The following NELL1 variants were observed in gnomAD, a reference collection of about 807,000 sequenced individuals.
The protein encoded by NELL1 is protein kinase C-binding protein NELL1.
In NELL1, 76 loss-of-function variants were observed where a neutral mutation model predicts 107.4. The observed-to-expected ratio is 0.71, with a 90% CI of 0.59 to 0.86. The LOEUF is 0.86. NELL1 is among the 40% of genes least tolerant of loss of function. NELL1 has a pLI of 0.00. For synonymous variants in NELL1, 353 were observed against 341.2 expected, an observed-to-expected ratio of 1.03 and a Z score of -0.38; for missense variants, 1,024 against 1,005.5, an observed-to-expected ratio of 1.02 and a Z score of -0.25.
chr11:21,323,044 T>A (rs1465135044), intron 14 of NELL1, among the ~76,000 whole-genome samples: 1 of 152,170 alleles, frequency 6.6e-6, no homozygotes, highest in Non-Finnish European at 1.5e-5. Flanking sequence ...CAAAGGGCTC[T>A]TTAAAATTCT....
intron 13 of NELL1, among the ~76,000 whole-genome samples, chr11:21,178,771 A>G (rs1024607850): frequency 7.2e-5 from 11 of 151,740 alleles, no homozygotes; most frequent in African/African-American, 2.7e-4. Flanking sequence ...CTTAAAAAAA[A>G]AAAAAAGTTT....
At chr11:20,933,063 T>C (rs1378989619) in intron 9 of NELL1, among the ~76,000 whole-genome samples, 1 of 152,166 alleles carries the variant, frequency 6.6e-6, no homozygotes, top group African/African-American at 2.4e-5. Context: ...CCAGTGTTGG[T>C]TTTGGTACTG....
chr11:21,191,195 A>G (rs1426431204), intron 13 of NELL1, among the ~76,000 whole-genome samples: 3 of 151,756 alleles, frequency 2.0e-5, no homozygotes, highest in African/African-American at 7.3e-5. Flanking sequence ...TAATCAGCTG[A>G]CCCTGAGATA....
At chr11:21,485,637 C>T (rs1854607358) in intron 15 of NELL1, among the ~76,000 whole-genome samples, 1 of 151,966 alleles carries the variant, frequency 6.6e-6, no homozygotes, top group Admixed American at 6.6e-5. Context: ...GCTTAAGCTG[C>T]TCCCACTGAG....
intron 2 of NELL1, among the ~76,000 whole-genome samples, chr11:20,750,579 T>C (rs1856110254): frequency 1.3e-5 from 2 of 151,730 alleles, no homozygotes; most frequent in South Asian, 4.2e-4. Flanking sequence ...ATTATTATTA[T>C]TATTATTATT....
chr11:21,112,081 T>A (rs1240924693), intron 12 of NELL1, among the ~76,000 whole-genome samples: 5 of 152,092 alleles, frequency 3.3e-5, no homozygotes, highest in Non-Finnish European at 7.4e-5. Context: ...TTGGTGGAAG[T>A]TGAGTTCCCC....
intron 14 of NELL1, among the ~76,000 whole-genome samples, chr11:21,258,520 G>A (rs978394988): frequency 6.6e-6 from 1 of 151,912 alleles, no homozygotes; most frequent in Non-Finnish European, 1.5e-5. Context: ...AATTTGCAGA[G>A]CTGTTGTACT....
intron 12 of NELL1, among the ~76,000 whole-genome samples, chr11:21,019,914 T>A (rs942429338): frequency 1.3e-5 from 2 of 152,074 alleles, no homozygotes; most frequent in Non-Finnish European, 2.9e-5. Context: ...CACTGTTAGA[T>A]TCTTCTCTGT....
At chr11:20,692,733 G>C (rs1175625221) in intron 2 of NELL1, among the ~76,000 whole-genome samples, 1 of 152,116 alleles carries the variant, frequency 6.6e-6, no homozygotes, top group East Asian at 1.9e-4. Context: ...GAATAAGTGT[G>C]ATGTGGTGCT....
intron 12 of NELL1, among the ~76,000 whole-genome samples, chr11:21,110,059 C>T (rs961929053): frequency 6.6e-6 from 1 of 152,132 alleles, no homozygotes; most frequent in African/African-American, 2.4e-5. Flanking sequence ...CACTTTCTCT[C>T]TCTTCTCCCC....
At chr11:21,453,523 T>A (rs1230224497) in intron 15 of NELL1, among the ~76,000 whole-genome samples, 1 of 152,166 alleles carries the variant, frequency 6.6e-6, no homozygotes, top group African/African-American at 2.4e-5. Context: ...TCTTTGTATT[T>A]ACATGGCTTA....
intron 13 of NELL1, among the ~76,000 whole-genome samples, chr11:21,167,948 A>G (rs913384577): frequency 3.3e-5 from 5 of 151,606 alleles, no homozygotes; most frequent in Admixed American, 1.3e-4. Flanking sequence ...TCATTGTTCT[A>G]TTTATTTCCT....
chr11:21,467,115 T>C (rs1437817308), intron 15 of NELL1, among the ~76,000 whole-genome samples: 1 of 152,000 alleles, frequency 6.6e-6, no homozygotes, highest in Non-Finnish European at 1.5e-5. Flanking sequence ...TCAGGACTTG[T>C]TTACCAAGAG....
chr11:20,772,189 A>G (rs1281197840), intron 2 of NELL1, among the ~76,000 whole-genome samples: 1 of 152,226 alleles, frequency 6.6e-6, no homozygotes, highest in Non-Finnish European at 1.5e-5. Context: ...AAACTTTTAA[A>G]GCAGGCTAGA....
chr11:20,861,691 T>G (rs1049732913), intron 4 of NELL1, among the ~76,000 whole-genome samples: 4 of 152,184 alleles, frequency 2.6e-5, no homozygotes, highest in Non-Finnish European at 5.9e-5. Flanking sequence ...AATCTTATTT[T>G]GTGTGGCTGA....
At chr11:21,454,342 G>A (rs2133862855) in intron 15 of NELL1, among the ~76,000 whole-genome samples, 1 of 151,228 alleles carries the variant, frequency 6.6e-6, no homozygotes. Context: ...TGGACATTTG[G>A]GTTGGTTCCA....
At chr11:20,787,069 G>A (rs1432849141) in intron 3 of NELL1, among the ~76,000 whole-genome samples, 1 of 147,796 alleles carries the variant, frequency 6.8e-6, no homozygotes, top group East Asian at 2.0e-4. Flanking sequence ...GAGCCAAGCA[G>A]GCACCATGAA....
At chr11:21,438,125 G>A (rs777511937) in intron 15 of NELL1, among the ~76,000 whole-genome samples, 2 of 152,094 alleles carry the variant, frequency 1.3e-5, no homozygotes, top group African/African-American at 4.8e-5. Flanking sequence ...AATTCCAGAT[G>A]CAGATTTTCC....
At chr11:20,694,184 G>T (rs1031246004) in intron 2 of NELL1, among the ~76,000 whole-genome samples, 4 of 148,852 alleles carry the variant, frequency 2.7e-5, no homozygotes, top group Middle Eastern at 3.4e-3. Flanking sequence ...TTATACATTC[G>T]TCTAAATTTT....
Sources: allele counts gnomAD v4.1 joint callset (sites outside exome capture counted in the v4.1 genomes callset), GRCh38; gene constraint gnomAD v4.1.1; transcripts MANE v1.5; gene names NCBI Gene and HGNC (gene_info 2026-07-23, HGNC 2026-07-21).